The following HOMER1 variants were observed in gnomAD, a reference collection of about 807,000 sequenced individuals.
The protein encoded by HOMER1 is homer protein homolog 1.
In HOMER1, 3 loss-of-function variants were observed where a neutral mutation model predicts 48.9. The ratio of observed to expected loss-of-function variants is 0.06; its 90% CI spans 0.03 to 0.16. The LOEUF (loss-of-function observed/expected upper bound fraction) is 0.16. HOMER1 is among the 10% of genes least tolerant of loss of function. The probability of loss-of-function intolerance (pLI) is 1.00; values close to 1 mark genes in which losing one functional copy is unlikely to be tolerated. For missense variants in HOMER1, 247 were observed against 411.4 expected, an observed-to-expected ratio of 0.60 and a Z score of 3.46; for synonymous variants, 134 against 146.4, an observed-to-expected ratio of 0.92 and a Z score of 0.61.
chr5:79,397,503 A>G, intron 7 of HOMER1, 24 bp downstream of exon 7: 1 of 1,245,806 alleles, frequency 8.0e-7, no homozygotes, highest in Non-Finnish European at 1.2e-6. Context: ...GCTAGATTAC[A>G]GATGAGTAAA....
chr5:79,503,459 G>A (rs913595439), intron 1 of HOMER1, among the ~76,000 whole-genome samples: 2 of 151,010 alleles, frequency 1.3e-5, no homozygotes, highest in Non-Finnish European at 2.9e-5. Context: ...GAACCCAGGA[G>A]GCGAGATTGC....
At chr5:79,439,307 T>G (rs1467007544) in intron 4 of HOMER1, among the ~76,000 whole-genome samples, 158 bp from the exon 5 acceptor site, 2 of 152,186 alleles carry the variant, frequency 1.3e-5, no homozygotes, top group Non-Finnish European at 2.9e-5. Context: ...ACATGGAAAT[T>G]TTTATTTTTT....
intron 4 of HOMER1, 92 bp from the exon 5 acceptor site, chr5:79,439,241 CT>C: frequency 8.8e-7 from 1 of 1,142,144 alleles, no homozygotes; most frequent in Non-Finnish European, 1.2e-6. Context: ...TTGATGTATG[CT>C]TACTGATGAA....
chr5:79,447,214 A>G (rs1561367271), intron 3 of HOMER1, 69 bp from the exon 4 acceptor site: 1 of 902,472 alleles, frequency 1.1e-6, no homozygotes, highest in Non-Finnish European at 1.8e-6. Context: ...TTACCTTAGT[A>G]AAGTTATTCA....
intron 1 of HOMER1, among the ~76,000 whole-genome samples, chr5:79,469,275 T>TTTTTTTTTG (rs1751557711): frequency 6.6e-6 from 1 of 152,204 alleles, no homozygotes; most frequent in Non-Finnish European, 1.5e-5. Flanking sequence ...AAAAACAATT[T>TTTTTTTTTG]ACACAAAACA....
intron 5 of HOMER1, among the ~76,000 whole-genome samples, chr5:79,409,165 G>A (rs941937048): frequency 6.6e-6 from 1 of 151,442 alleles, no homozygotes; most frequent in African/African-American, 2.4e-5. Flanking sequence ...AGGCATGGTG[G>A]CTCATGCCTA....
At chr5:79,418,076 A>G (rs111547649) in intron 5 of HOMER1, among the ~76,000 whole-genome samples, 399 of 152,364 alleles carry the variant, frequency 2.6e-3, no homozygotes, top group African/African-American at 9.1e-3. Flanking sequence ...ATCAAAGGAT[A>G]TAACATCGAA....
At chr5:79,497,866 T>C (rs1369299156) in intron 1 of HOMER1, among the ~76,000 whole-genome samples, 2 of 152,098 alleles carry the variant, frequency 1.3e-5, no homozygotes, top group Non-Finnish European at 2.9e-5. Context: ...ATAAGCTCCC[T>C]GGACCAGCAG....
At position 79,376,255 on chromosome 5, in the gene HOMER1, C is replaced by G. The variant is rs917470019; in HGVS notation, c.877-58G>C. On this transcript the variant is annotated intron_variant, in intron 8 of 8. Coordinates refer to ENST00000334082, the MANE Select transcript of HOMER1 (RefSeq NM_004272.5). ...TCAATTCATCACTTAGAAAACAATA[C>G]AACTCTCTGTTATTACCAATATTGC... 2.4e-6 allele frequency: 3 copies of G among 1,274,138 alleles called. No individual in the cohort carries two copies. The African/African-American group carries it at 4.5e-5, about 19-fold the overall frequency. 78.9% of individuals were successfully genotyped at this position (1,274,138 alleles called of 1,614,324 possible).
intron 8 of HOMER1, among the ~76,000 whole-genome samples, chr5:79,379,971 C>T (rs1246701865): frequency 6.6e-6 from 1 of 152,102 alleles, no homozygotes; most frequent in Non-Finnish European, 1.5e-5. Context: ...TTTGTACTTG[C>T]CTCCTCTACT....
intron 1 of HOMER1, among the ~76,000 whole-genome samples, chr5:79,465,741 C>T (rs1191425131): frequency 2.0e-5 from 3 of 151,616 alleles, no homozygotes; most frequent in African/African-American, 7.3e-5. Context: ...TACAGGCACC[C>T]GTCACCACAC....
intron 1 of HOMER1, among the ~76,000 whole-genome samples, chr5:79,488,320 A>C (rs1752175997): frequency 6.6e-6 from 1 of 152,264 alleles, no homozygotes; most frequent in Non-Finnish European, 1.5e-5. Flanking sequence ...GTCACGATTG[A>C]TGCAGGAGAT....
At chr5:79,477,917 T>C (rs1751829599) in intron 1 of HOMER1, among the ~76,000 whole-genome samples, 1 of 151,924 alleles carries the variant, frequency 6.6e-6, no homozygotes, top group Non-Finnish European at 1.5e-5. Context: ...GAAATGTCAA[T>C]AGAAGATGAT....
At chr5:79,446,846 G>A (rs137906119) in intron 4 of HOMER1, among the ~76,000 whole-genome samples, 1 of 143,518 alleles carries the variant, frequency 7.0e-6, no homozygotes, top group East Asian at 2.0e-4. Context: ...TAGAGATGAG[G>A]TCTCCCTATG....
chr5:79,389,195 A>G (rs752436545), intron 8 of HOMER1, among the ~76,000 whole-genome samples: 1 of 152,158 alleles, frequency 6.6e-6, no homozygotes, highest in Non-Finnish European at 1.5e-5. Flanking sequence ...AAGTAACTCA[A>G]TGAAAGAAAA....
intron 1 of HOMER1, among the ~76,000 whole-genome samples, chr5:79,478,816 A>C (rs1048379649): frequency 5.3e-5 from 8 of 152,018 alleles, no homozygotes; most frequent in African/African-American, 1.9e-4. Flanking sequence ...GCCGGGTATG[A>C]TGGTGGGTGC....
Position 79,404,926 on chromosome 5 carries a change from C to T in HOMER1, c.528-2871G>A, listed in dbSNP as rs188758895. 3.3e-4 allele frequency among the ~76,000 whole-genome samples: 50 copies of T among 151,190 alleles called. No homozygotes were observed. The East Asian group carries it at 8.4e-3, about 25-fold the overall frequency. Reference sequence around the variant, plus strand: ...GTTTCACCATGTTGGCCAGGCTGGTCGCTAACTCCTGACCTCAGGTGATCC... The same window carrying T: ...GTTTCACCATGTTGGCCAGGCTGGTTGCTAACTCCTGACCTCAGGTGATCC... On this transcript the variant is annotated intron_variant, in intron 5 of 8. Transcript: ENST00000334082.
intron 8 of HOMER1, among the ~76,000 whole-genome samples, chr5:79,389,371 A>G (rs938419311): frequency 7.2e-5 from 11 of 152,214 alleles, no homozygotes; most frequent in African/African-American, 2.4e-4. Flanking sequence ...CCAAGAGATC[A>G]CTGTGGAAAC....
chr5:79,400,355 C>CTT (rs199554458), intron 6 of HOMER1, among the ~76,000 whole-genome samples: 12 of 141,378 alleles, frequency 8.5e-5, no homozygotes, highest in Non-Finnish European at 1.6e-4. Flanking sequence ...CCTTTTCTTT[C>CTT]TTTTTTTTTT....
Sources: allele counts gnomAD v4.1 joint callset (sites outside exome capture counted in the v4.1 genomes callset), GRCh38; gene constraint gnomAD v4.1.1; transcripts MANE v1.5; gene names NCBI Gene and HGNC (gene_info 2026-07-23, HGNC 2026-07-21).